The following MYOCD variants were observed in gnomAD, a reference collection of about 807,000 sequenced individuals.
MYOCD encodes the protein myocardin.
Under a neutral mutation model 96.1 loss-of-function variants are expected in MYOCD, and 32 were observed. The observed-to-expected ratio is 0.33, with a 90% CI of 0.25 to 0.45. The LOEUF is 0.45. MYOCD is among the 20% of genes least tolerant of loss of function. The pLI is 1.00. For synonymous variants in MYOCD, 469 were observed against 469.0 expected (o/e 1.00, Z 0.00); for missense variants, 1,133 against 1,200.6 (o/e 0.94, Z 0.83).
Position 12,756,540 on chromosome 17 carries a change from C to T in MYOCD, c.2185C>T (p.Pro729Ser), listed in dbSNP as rs113595869. 7.1e-6 allele frequency: 11 copies of T among 1,551,066 alleles called. No individual in the cohort carries two copies. The South Asian group carries it at 1.2e-4, about 17-fold the overall frequency. ...GAGGNPCPKS[P>S]CVQQKMAGLH... ...CGGGGGAAACCCTTGTCCCAAAAGC[C>T]CATGTGTACAGCAAAAGGTAGGCAC... Residue 729 changes from proline (P) to serine (S), a missense_variant, in exon 11 of 14, where the codon CCA becomes TCA. Transcript: ENST00000425538.
At chr17:12,722,760 C>T (rs2031877994) in intron 4 of MYOCD, 87 bp from the exon 5 acceptor site, 5 of 1,083,612 alleles carry the variant, frequency 4.6e-6, no homozygotes, top group East Asian at 2.4e-5. Flanking sequence ...GTGACACAAT[C>T]GTTTGTAACC....
chr17:12,739,736 C>A (rs1478877487), intron 7 of MYOCD, among the ~76,000 whole-genome samples: 1 of 152,196 alleles, frequency 6.6e-6, no homozygotes, highest in Non-Finnish European at 1.5e-5. Context: ...GTAAAACTTA[C>A]ATCATTCAAG....
At chr17:12,671,783 A>C in intron 1 of MYOCD, 1 of 152,242 alleles carries the variant, frequency 6.6e-6, no homozygotes, top group Non-Finnish European at 1.5e-5. Context: ...TGCAGGGCAG[A>C]AGCAAAATAC....
At chr17:12,681,048 C>G (rs1213588439) in intron 1 of MYOCD, among the ~76,000 whole-genome samples, 1 of 152,182 alleles carries the variant, frequency 6.6e-6, no homozygotes, top group Non-Finnish European at 1.5e-5. Flanking sequence ...AACCAAGCCT[C>G]CAGCGCTGAA....
chr17:12,752,529 A>T lies in MYOCD; in HGVS notation c.1241A>T (p.Asn414Ile). ...FQDCSGNPVP[N>I]FGDITTVTFP... ...GACTGCTCTGGCAACCCAGTGCCGA[A>T]CTTTGGGGATATAACGACTGTCACT... Residue 414 changes from asparagine to isoleucine, a missense_variant, in exon 10 of 14, where the codon AAC (asparagine) becomes ATC (isoleucine). Physicochemically the swap from Asn to Ile is moderately radical, Grantham distance 149 (BLOSUM62 -3). Coordinates refer to ENST00000425538, the MANE Select transcript of MYOCD (RefSeq NM_001146312.3). 2 of 1,614,200 alleles carry T rather than the reference A, an allele frequency of 1.2e-6. No individual in the cohort carries two copies. The highest frequency in any genetic ancestry group is 2.7e-5 in the African/African-American group (2 of 75,048).
chr17:12,724,019 T>C (rs1301467408), intron 5 of MYOCD, among the ~76,000 whole-genome samples: 1 of 152,168 alleles, frequency 6.6e-6, no homozygotes, highest in Admixed American at 6.5e-5. Flanking sequence ...AATATACTTG[T>C]CTGTCAGTGT....
intron 1 of MYOCD, among the ~76,000 whole-genome samples, chr17:12,697,124 T>C (rs937465917): frequency 6.6e-6 from 1 of 151,812 alleles, no homozygotes; most frequent in Non-Finnish European, 1.5e-5. Context: ...AGACCTCCTG[T>C]CTCAGTACCC....
chr17:12,715,674 C>A, intron 3 of MYOCD, 100 bp downstream of exon 3: 1 of 912,532 alleles, frequency 1.1e-6, no homozygotes, highest in Non-Finnish European at 1.7e-6. Context: ...ACAACAAACA[C>A]AATCAATTTG....
intron 1 of MYOCD, among the ~76,000 whole-genome samples, chr17:12,683,477 T>C (rs1567570520): frequency 1.3e-5 from 2 of 152,002 alleles, no homozygotes; most frequent in African/African-American, 2.4e-5. Flanking sequence ...TCTCTCTCTC[T>C]CCCGCTCCTT....
chr17:12,709,174 T>C (rs1335061570), intron 2 of MYOCD, among the ~76,000 whole-genome samples: 1 of 152,182 alleles, frequency 6.6e-6, no homozygotes, highest in African/African-American at 2.4e-5. Flanking sequence ...AGGTGAATCA[T>C]GTGTAATTCT....
chr17:12,767,169 G>A lies in MYOCD; in HGVS notation c.*3525G>A, dbSNP rs2033364308. ...GAGAAGTAAATCAGAATTTTTTTAA[G>A]GAGAAGTCATTCTTAGCACTACAAT... On this transcript the variant is annotated 3_prime_UTR_variant, in exon 14 of 14. Transcript: ENST00000425538. 1 of 152,000 alleles carries A rather than the reference G, an allele frequency of 6.6e-6. No homozygotes were observed. Among genetic ancestry groups the A allele is most frequent in the Non-Finnish European group, 1.5e-5 (1 of 67,994 alleles). 9.4% of individuals were successfully genotyped at this position (152,000 alleles called of 1,614,324 possible).
rs57652662 is a variant in MYOCD at position 12,719,867 on chromosome 17, C to CAA, written c.253+2466_253+2467dup. Among the ~76,000 whole-genome samples, 675 of 81,736 alleles carry CAA rather than the reference C, an allele frequency of 8.3e-3. 18 individuals carry two copies. Among genetic ancestry groups the CAA allele is most frequent in the East Asian group, 0.054 (152 of 2,812 alleles). The allele number at this position is 81,736 out of a possible 152,430, so 53.6% of individuals were successfully genotyped here. The stretch of plus-strand genomic sequence containing the variant: ...GGGTGACAAGAGCGAGACTCAGTCT[C>CAA]AAAAAAAAAAAAAAAAAAAAATTTT... On this transcript the variant is annotated intron_variant, in intron 4 of 13. Transcript: ENST00000425538.
chr17:12,757,942 G>A (rs1302040763), intron 11 of MYOCD, 143 bp from the exon 12 acceptor site: 1 of 657,438 alleles, frequency 1.5e-6, no homozygotes, highest in African/African-American at 1.8e-5. Context: ...GTTAATATAT[G>A]GGAGTTATTT....
At chr17:12,703,297 A>T (rs1467431823) in intron 1 of MYOCD, among the ~76,000 whole-genome samples, 3 of 151,908 alleles carry the variant, frequency 2.0e-5, no homozygotes, top group African/African-American at 7.2e-5. Flanking sequence ...CTTTAGCTTC[A>T]GCCATTGGAT....
At chr17:12,722,185 C>T (rs2031858733) in intron 4 of MYOCD, among the ~76,000 whole-genome samples, 1 of 152,114 alleles carries the variant, frequency 6.6e-6, no homozygotes, top group African/African-American at 2.4e-5. Flanking sequence ...TGAGTTCTTC[C>T]ACAGAAATAA....
chr17:12,685,893 G>T (rs1190600662), intron 1 of MYOCD, among the ~76,000 whole-genome samples: 1 of 152,220 alleles, frequency 6.6e-6, no homozygotes, highest in Non-Finnish European at 1.5e-5. Context: ...ACTTGAATTT[G>T]TAGATACACA....
chr17:12,674,348 G>C (rs537223726), intron 1 of MYOCD, among the ~76,000 whole-genome samples: 14 of 152,112 alleles, frequency 9.2e-5, no homozygotes, highest in Admixed American at 7.2e-4. Context: ...TACTGCTATC[G>C]TCCTTGATTT....
At chr17:12,719,910 A>G (rs1198461461) in intron 4 of MYOCD, among the ~76,000 whole-genome samples, 1 of 151,820 alleles carries the variant, frequency 6.6e-6, no homozygotes, top group Non-Finnish European at 1.5e-5. Context: ...TAGAAAGGGT[A>G]AAAGAATTCT....
intron 1 of MYOCD, among the ~76,000 whole-genome samples, chr17:12,687,739 G>T (rs1165383670): frequency 2.0e-5 from 3 of 152,138 alleles, no homozygotes; most frequent in East Asian, 1.9e-4. Context: ...GCAGCAAGTA[G>T]GGGGCACAAA....
Sources: allele counts gnomAD v4.1 joint callset (sites outside exome capture counted in the v4.1 genomes callset), GRCh38; gene constraint gnomAD v4.1.1; transcripts MANE v1.5; gene names NCBI Gene and HGNC (gene_info 2026-07-23, HGNC 2026-07-21).